Variants in ITFG1 observed in about 807,000 individuals in gnomAD.
ITFG1 encodes the protein integrin alpha FG-GAP repeat containing 1, also known as T-cell immunomodulatory protein.
ITFG1 carries 34 observed loss-of-function variants against 81.8 expected under a neutral mutation model. The observed-to-expected ratio is 0.42, with a 90% CI of 0.32 to 0.55. The LOEUF is 0.55. ITFG1 is among the 20% of genes least tolerant of loss of function. The pLI, the probability that ITFG1 is intolerant of heterozygous loss-of-function variation, is 0.17. For synonymous variants in ITFG1, 285 were observed against 270.6 expected, an observed-to-expected ratio of 1.05 and a Z score of -0.52; for missense variants, 672 against 755.4, an observed-to-expected ratio of 0.89 and a Z score of 1.29.
At chr16:47,238,247 AATTATG>A (rs1476380206) in intron 12 of ITFG1, 4 of 322,308 alleles carry the variant, frequency 1.2e-5, no homozygotes, top group East Asian at 5.8e-5. Context: ...AGGTGAGATA[AATTATG>A]ATTATATCAT....
At chr16:47,261,032 T>G (rs1277153801) in intron 10 of ITFG1, among the ~76,000 whole-genome samples, 2 of 152,238 alleles carry the variant, frequency 1.3e-5, no homozygotes, top group Non-Finnish European at 2.9e-5. Context: ...TAGATGTGTA[T>G]TACTTTTCAC....
intron 12 of ITFG1, among the ~76,000 whole-genome samples, chr16:47,248,479 AAAGT>A (rs1256663774): frequency 6.6e-6 from 1 of 152,248 alleles, no homozygotes; most frequent in Non-Finnish European, 1.5e-5. Flanking sequence ...CATAATCAAA[AAAGT>A]AAAAGGATAG....
chr16:47,174,287 T>C (rs1964995427), intron 14 of ITFG1, among the ~76,000 whole-genome samples: 1 of 152,144 alleles, frequency 6.6e-6, no homozygotes, highest in African/African-American at 2.4e-5. Flanking sequence ...AAATACTAGA[T>C]ATGAAGTATT....
At chr16:47,433,893 TATATATATATA>T (rs890237352) in intron 5 of ITFG1, among the ~76,000 whole-genome samples, 1 of 123,096 alleles carries the variant, frequency 8.1e-6, no homozygotes, top group African/African-American at 3.3e-5. Flanking sequence ...TATATATATA[TATATATATATA>T]TAGTTGTCAA....
chr16:47,191,251 G>T (rs1336072248), intron 14 of ITFG1, among the ~76,000 whole-genome samples: 1 of 152,110 alleles, frequency 6.6e-6, no homozygotes, highest in East Asian at 1.9e-4. Flanking sequence ...CCTTGGCCAG[G>T]TCTAAGCCCA....
intron 14 of ITFG1, among the ~76,000 whole-genome samples, chr16:47,194,739 C>T (rs1055363068): frequency 3.3e-5 from 5 of 151,852 alleles, no homozygotes; most frequent in Middle Eastern, 3.4e-3. Context: ...TTTTAAGTTC[C>T]GGGATATATG....
intron 8 of ITFG1, among the ~76,000 whole-genome samples, chr16:47,338,786 T>C (rs1967743560): frequency 6.6e-6 from 1 of 152,142 alleles, no homozygotes; most frequent in Non-Finnish European, 1.5e-5. Flanking sequence ...GGTTTTTCCA[T>C]TACCTCAAGC....
At chr16:47,384,713 TCCA>T (rs1968437987) in intron 6 of ITFG1, among the ~76,000 whole-genome samples, 1 of 152,232 alleles carries the variant, frequency 6.6e-6, no homozygotes, top group African/African-American at 2.4e-5. Context: ...CCACGTCATA[TCCA>T]CCAACTGATT....
chr16:47,239,605 T>G (rs1965911629), intron 12 of ITFG1, among the ~76,000 whole-genome samples: 1 of 152,168 alleles, frequency 6.6e-6, no homozygotes, highest in South Asian at 2.1e-4. Context: ...CAAAAGAGAA[T>G]ACCTGTTCAT....
intron 6 of ITFG1, among the ~76,000 whole-genome samples, chr16:47,381,036 C>T (rs2151592290): frequency 6.6e-6 from 1 of 152,270 alleles, no homozygotes; most frequent in East Asian, 1.9e-4. Flanking sequence ...ATGGTTTATG[C>T]TTCAATTATC....
At chr16:47,200,268 T>C (rs915102046) in intron 14 of ITFG1, among the ~76,000 whole-genome samples, 1 of 152,246 alleles carries the variant, frequency 6.6e-6, no homozygotes, top group Non-Finnish European at 1.5e-5. Flanking sequence ...TATGCATGAC[T>C]ATACTTGATA....
chr16:47,301,269 AT>A (rs1467614686), intron 10 of ITFG1, among the ~76,000 whole-genome samples: 1 of 152,164 alleles, frequency 6.6e-6, no homozygotes, highest in Non-Finnish European at 1.5e-5. Flanking sequence ...ACTAGAGAAA[AT>A]GTAAATTAAT....
chr16:47,179,882 G>A (rs1965082905), intron 14 of ITFG1, among the ~76,000 whole-genome samples: 1 of 152,194 alleles, frequency 6.6e-6, no homozygotes, highest in Admixed American at 6.5e-5. Context: ...TAAAACGACG[G>A]TTGTCCTCTT....
intron 14 of ITFG1, among the ~76,000 whole-genome samples, chr16:47,208,044 G>A (rs1965522847): frequency 1.3e-5 from 2 of 152,154 alleles, no homozygotes; most frequent in Admixed American, 6.5e-5. Flanking sequence ...ATTTGCCCAA[G>A]GTAACACAGC....
intron 13 of ITFG1, among the ~76,000 whole-genome samples, chr16:47,232,909 G>A (rs1243616318): frequency 6.6e-6 from 1 of 151,996 alleles, no homozygotes; most frequent in Non-Finnish European, 1.5e-5. Context: ...CCAAAGTGCT[G>A]GGGTTACAAG....
chr16:47,229,568 T>C (rs1255717592), intron 13 of ITFG1, among the ~76,000 whole-genome samples: 1 of 151,894 alleles, frequency 6.6e-6, no homozygotes, highest in Non-Finnish European at 1.5e-5. Flanking sequence ...TTGTATGTTT[T>C]TGAAGGATAG....
chr16:47,421,870 G>A (rs1317277337), intron 6 of ITFG1, among the ~76,000 whole-genome samples: 1 of 151,960 alleles, frequency 6.6e-6, no homozygotes, highest in Non-Finnish European at 1.5e-5. Context: ...GATGTTCCCC[G>A]CCCCCTGTCC....
chr16:47,388,816 C>G (rs1292654100), intron 6 of ITFG1, among the ~76,000 whole-genome samples: 1 of 152,098 alleles, frequency 6.6e-6, no homozygotes, highest in Non-Finnish European at 1.5e-5. Context: ...ATATTAACAG[C>G]CTGTCCTCTC....
intron 14 of ITFG1, among the ~76,000 whole-genome samples, chr16:47,168,362 T>A (rs1310504090): frequency 6.6e-6 from 1 of 151,986 alleles, no homozygotes; most frequent in East Asian, 1.9e-4. Flanking sequence ...CCCTTTTCAG[T>A]TTGTTGAAAA....
Sources: gnomAD v4.1 joint callset for allele counts (sites outside exome capture counted in the v4.1 genomes callset) on GRCh38, gnomAD v4.1.1 for gene constraint, MANE v1.5 for transcripts, NCBI Gene and HGNC (gene_info 2026-07-23, HGNC 2026-07-21) for gene names.